The following NAB1 variants were observed in gnomAD, a reference collection of about 807,000 sequenced individuals.
NAB1 encodes the protein NGFI-A-binding protein 1.
In NAB1, 25 loss-of-function variants were observed where a neutral mutation model predicts 49.9. The ratio of observed to expected loss-of-function variants is 0.50; its 90% CI spans 0.37 to 0.70. The LOEUF is 0.70. NAB1 is among the 30% of genes least tolerant of loss of function. NAB1 has a pLI of 0.00. For missense variants in NAB1, 489 were observed against 575.9 expected (o/e 0.85, Z 1.54); for synonymous variants, 198 against 215.6 (o/e 0.92, Z 0.71).
Position 190,673,147 on chromosome 2 carries a change from G to A in NAB1, c.1000G>A (p.Val334Met), listed in dbSNP as rs949810086. The A allele has an allele frequency of 6.2e-7, 1 of 1,610,554 alleles. No individual in the cohort carries two copies. Among genetic ancestry groups the A allele is most frequent in the Admixed American group, 1.7e-5 (1 of 59,888 alleles). The change falls in exon 6 of 10, where the codon GTG becomes ATG. Residue 334 changes from valine to methionine, a missense_variant. By Grantham distance (21) the Val-to-Met change is conservative. Transcript: ENST00000337386. Reference sequence around the variant, plus strand: ...TGAATTATCCCCAAAGAGAATTAAAGTGGAGGTATGGTCATATGTTACATT... The same window carrying A: ...TGAATTATCCCCAAAGAGAATTAAAATGGAGGTATGGTCATATGTTACATT... The part of the protein sequence containing the change: ...RDELSPKRIK[V>M]EDGFPDFQDS...
intron 4 of NAB1, among the ~76,000 whole-genome samples, chr2:190,668,148 C>A (rs1694618421): frequency 6.6e-6 from 1 of 152,090 alleles, no homozygotes; most frequent in South Asian, 2.1e-4. Context: ...TAATTATTGA[C>A]AGCATTATGA....
rs1179563866 is a variant in NAB1 at position 190,666,045 on chromosome 2, G to A, written c.820-4281G>A. 1.3e-5 allele frequency among the ~76,000 whole-genome samples: 2 copies of A among 151,968 alleles called. No homozygotes were observed. The highest frequency in any genetic ancestry group is 2.9e-5 in the Non-Finnish European group (2 of 67,982). On this transcript the variant is annotated intron_variant, in intron 4 of 9. Coordinates refer to ENST00000337386, the MANE Select transcript of NAB1 (RefSeq NM_005966.4). This position sits in a 1 kb window ranked among gnomAD's most constrained non-coding sequence, Gnocchi z 5.6. Reference sequence around the variant, plus strand: ...TGTCCCTAACTTAAACTTCTTTGAGGTACTGTACTCATTAATTTTGGCCTC... The same window carrying A: ...TGTCCCTAACTTAAACTTCTTTGAGATACTGTACTCATTAATTTTGGCCTC...
rs1275505226 is a variant in NAB1 at position 190,680,766 on chromosome 2, T to G, written c.1006-2972T>G. Among the ~76,000 whole-genome samples, 1 of 152,218 alleles carries G rather than the reference T, an allele frequency of 6.6e-6. No homozygotes were observed. Among genetic ancestry groups the G allele is most frequent in the Non-Finnish European group, 1.5e-5 (1 of 68,028 alleles). On this transcript the variant is annotated intron_variant, in intron 6 of 9. Transcript: ENST00000337386. The surrounding 1 kb of genome is among the most constrained non-coding windows in gnomAD (Gnocchi z 5.2). ...GATGTCTGTACTTTGTAATTGTCCA[T>G]AAAATTTCTCTTTTTTCCCCAGTAT...
At position 190,679,991 on chromosome 2, in the gene NAB1, C is replaced by T. The variant is rs1695253240; in HGVS notation, c.1006-3747C>T. Among the ~76,000 whole-genome samples, 1 of 152,164 alleles carries T rather than the reference C, an allele frequency of 6.6e-6. No homozygotes were observed. On this transcript the variant is annotated intron_variant, in intron 6 of 9. Transcript: ENST00000337386. This position sits in a 1 kb window ranked among gnomAD's most constrained non-coding sequence, Gnocchi z 5.3. ...GAATTCATCAGTGTTCTGGCCCCTC[C>T]CAGACCTCGTGATCTTGAGTTCCTT...
rs116065076 is a variant in NAB1 at position 190,660,657 on chromosome 2, T to C, written c.819+662T>C. On this transcript the variant is annotated intron_variant, in intron 4 of 9. Transcript: ENST00000337386. ...TTCTTGTCTATCTGGTCAACACATA[T>C]CTTTAAAACTCAGCCAAGAATAAGC... Among the ~76,000 whole-genome samples, 346 of 152,362 alleles carry C rather than the reference T, an allele frequency of 2.3e-3. 3 individuals carry two copies. The highest frequency in any genetic ancestry group is 7.8e-3 in the African/African-American group (325 of 41,586).
At position 190,682,105 on chromosome 2, in the gene NAB1, GA is replaced by G. The variant is rs1454652793; in HGVS notation, c.1006-1627del. Among the ~76,000 whole-genome samples, 1 of 152,088 alleles carries G rather than the reference GA, an allele frequency of 6.6e-6. No homozygotes were observed. Among genetic ancestry groups the G allele is most frequent in the Non-Finnish European group, 1.5e-5 (1 of 67,984 alleles). ...TAAACAGTCAAAAAAAGAAAACCTT[GA>G]AAAAAGTAGGTGGAATACCAAGTAT... On this transcript the variant is annotated intron_variant, in intron 6 of 9. Coordinates refer to ENST00000337386, the MANE Select transcript of NAB1 (RefSeq NM_005966.4). The surrounding 1 kb of genome is among the most constrained non-coding windows in gnomAD (Gnocchi z 4.1).
chr2:190,670,261 A>T lies in NAB1; in HGVS notation c.820-65A>T. On this transcript the variant is annotated intron_variant, in intron 4 of 9. Coordinates refer to ENST00000337386, the MANE Select transcript of NAB1 (RefSeq NM_005966.4). This position sits in a 1 kb window ranked among gnomAD's most constrained non-coding sequence, Gnocchi z 5.3. ...GTGTAACATTCTTATATTTTAAGTGAAACCTTTTGCATTTTGATGAAATTA... is the reference window on the plus strand; with the variant it reads ...GTGTAACATTCTTATATTTTAAGTGTAACCTTTTGCATTTTGATGAAATTA... 6.9e-7 allele frequency: 1 copy of T among 1,452,672 alleles called. No individual in the cohort carries two copies. The highest frequency in any genetic ancestry group is 9.4e-7 in the Non-Finnish European group (1 of 1,064,390). The allele number at this position is 1,452,672 out of a possible 1,614,324, so 90.0% of individuals were successfully genotyped here.
Position 190,669,905 on chromosome 2 carries a change from T to C in NAB1, c.820-421T>C, listed in dbSNP as rs1224643621. On this transcript the variant is annotated intron_variant, in intron 4 of 9. Transcript: ENST00000337386. The surrounding 1 kb of genome is among the most constrained non-coding windows in gnomAD (Gnocchi z 4.3). Reference sequence around the variant, plus strand: ...ATGGTCTTGATTCCTTTTTAAGAATTTTCATGTCAGTTCATAAAAAATCTG... The same window carrying C: ...ATGGTCTTGATTCCTTTTTAAGAATCTTCATGTCAGTTCATAAAAAATCTG... 6.6e-6 allele frequency among the ~76,000 whole-genome samples: 1 copy of C among 152,220 alleles called. No individual in the cohort carries two copies. Among genetic ancestry groups the C allele is most frequent in the Non-Finnish European group, 1.5e-5 (1 of 68,038 alleles).
At chr2:190,681,782 T>C (rs1325018274) in intron 6 of NAB1, among the ~76,000 whole-genome samples, 2 of 152,328 alleles carry the variant, frequency 1.3e-5, no homozygotes, top group East Asian at 3.9e-4. Context: ...AGAAATAATT[T>C]ATTGAAAAGA....
intron 2 of NAB1, chr2:190,653,681 A>T (rs1011149810): frequency 6.6e-6 from 1 of 152,358 alleles, no homozygotes; most frequent in Admixed American, 6.5e-5. Flanking sequence ...TGGATCATTA[A>T]TGAGATAGAT....
intron 4 of NAB1, among the ~76,000 whole-genome samples, chr2:190,662,206 T>C (rs1427270801): frequency 6.6e-6 from 1 of 152,206 alleles, no homozygotes; most frequent in Non-Finnish European, 1.5e-5. Flanking sequence ...TGTATGTAGG[T>C]CACTGGTGGA....
At chr2:190,673,275 A>G (rs927486164) in intron 6 of NAB1, 123 bp downstream of exon 6, 16 of 845,544 alleles carry the variant, frequency 1.9e-5, no homozygotes, top group Non-Finnish European at 2.1e-5. Flanking sequence ...ATGGCTTTCA[A>G]TAAATCTTTT....
At position 190,666,621 on chromosome 2, in the gene NAB1, A is replaced by T. The variant is rs1694532444; in HGVS notation, c.820-3705A>T. 6.6e-6 allele frequency among the ~76,000 whole-genome samples: 1 copy of T among 152,156 alleles called. No individual in the cohort carries two copies. Among genetic ancestry groups the T allele is most frequent in the African/African-American group, 2.4e-5 (1 of 41,434 alleles). Reference sequence around the variant, plus strand: ...TAACTTGGGAGGCTGAGACAGGAGAATCGCTTGAACCCGGGGCGCTGAGGT... The same window carrying T: ...TAACTTGGGAGGCTGAGACAGGAGATTCGCTTGAACCCGGGGCGCTGAGGT... On this transcript the variant is annotated intron_variant, in intron 4 of 9. Transcript: ENST00000337386. The surrounding 1 kb of genome is among the most constrained non-coding windows in gnomAD (Gnocchi z 5.6).
Position 190,657,503 on chromosome 2 carries a change from A to G in NAB1, c.-20+1350A>G, listed in dbSNP as rs532980781. Among the ~76,000 whole-genome samples, 2 of 152,308 alleles carry G rather than the reference A, an allele frequency of 1.3e-5. No homozygotes were observed. The highest frequency in any genetic ancestry group is 4.1e-4 in the South Asian group (2 of 4,820). On this transcript the variant is annotated intron_variant, in intron 3 of 9. Transcript: ENST00000337386. This position sits in a 1 kb window ranked among gnomAD's most constrained non-coding sequence, Gnocchi z 4.4. ...GCACCTGGGAAACTGTATTTTTCAAAAGCACCCCAGGTGATTTCCTGGGTT... is the reference window on the plus strand; with the variant it reads ...GCACCTGGGAAACTGTATTTTTCAAGAGCACCCCAGGTGATTTCCTGGGTT...
chr2:190,672,152 A>G (rs996677915), intron 5 of NAB1, among the ~76,000 whole-genome samples: 1 of 152,116 alleles, frequency 6.6e-6, no homozygotes, highest in Non-Finnish European at 1.5e-5. Flanking sequence ...TTGGACTCCT[A>G]AGGTGCCCTC....
Position 190,690,568 on chromosome 2 carries a change from C to A in NAB1, c.*235C>A. 1 of 399,968 alleles carries A rather than the reference C, an allele frequency of 2.5e-6. No homozygotes were observed. The highest frequency in any genetic ancestry group is 4.5e-6 in the Non-Finnish European group (1 of 221,914). 24.8% of individuals were successfully genotyped at this position (399,968 alleles called of 1,614,324 possible). A position where few individuals can be genotyped will look rare whatever the true frequency, so the allele number is the denominator to read the frequency against. On this transcript the variant is annotated 3_prime_UTR_variant, in exon 10 of 10. Coordinates refer to ENST00000337386, the MANE Select transcript of NAB1 (RefSeq NM_005966.4). The stretch of plus-strand genomic sequence containing the variant: ...CAGTAATATTGATTCATTCACATTC[C>A]TGTGTTAAGTCATTTTATATGGAAA...
In NAB1 at chr2:190,653,481, A is replaced by G. The variant is rs565893762; in HGVS notation, c.-196-2496A>G. Among the ~76,000 whole-genome samples, 6 of 152,316 alleles carry G rather than the reference A, an allele frequency of 3.9e-5. No individual in the cohort carries two copies. In the South Asian group the frequency reaches 8.3e-4, roughly 21 times the overall value. On this transcript the variant is annotated intron_variant, in intron 2 of 9. Transcript: ENST00000337386. ...AAAAATTGCAGGCTGTGTTGGGGGA[A>G]GGAATTTCTAGTCTTATGCATAAAT... is the stretch of plus-strand genomic sequence containing the variant.
chr2:190,652,185 T>A lies in NAB1; in HGVS notation c.-197+2203T>A, dbSNP rs1693702528. On this transcript the variant is annotated intron_variant, in intron 2 of 9. Transcript: ENST00000337386. This position sits in a 1 kb window ranked among gnomAD's most constrained non-coding sequence, Gnocchi z 4.2. ...TGTGAGAATTCACACAGCTAAAACA[T>A]GCCATTAAGCTTTCAAAGAGTTTGT... Among the ~76,000 whole-genome samples the A allele has an allele frequency of 6.6e-6, 1 of 152,214 alleles. No homozygotes were observed. Among genetic ancestry groups the A allele is most frequent in the Admixed American group, 6.5e-5 (1 of 15,280 alleles).
Position 190,670,416 on chromosome 2 carries a change from AT to A in NAB1, c.913del (p.Ser305LeufsTer66). 1 of 1,614,036 alleles carries A rather than the reference AT, an allele frequency of 6.2e-7. No individual in the cohort carries two copies. Among genetic ancestry groups the A allele is most frequent in the Non-Finnish European group, 8.5e-7 (1 of 1,179,944 alleles). On this transcript the variant is annotated frameshift_variant, in exon 5 of 10. Transcript: ENST00000337386. LOFTEE classifies it high-confidence loss of function. This position sits in a 1 kb window ranked among gnomAD's most constrained non-coding sequence, Gnocchi z 5.3. The part of the protein sequence containing the change: ...RDELFALARQ[I>X]SREVTYKYTY... ...TGAGCTTTTTGCCTTGGCTCGACAG[AT>A]TTCTCGAGAAGTCACCTATAAATAT...
Sources: gnomAD v4.1 joint callset for allele counts (sites outside exome capture counted in the v4.1 genomes callset) on GRCh38, gnomAD v4.1.1 for gene constraint, Gnocchi (gnomAD v3.1) non-coding constraint, MANE v1.5 for transcripts, NCBI Gene and HGNC (gene_info 2026-07-23, HGNC 2026-07-21) for gene names.